SERPINA4: variants seen among roughly 807,000 people sequenced by gnomAD.
The protein encoded by SERPINA4 is serpin family A member 4, also known as kallistatin.
SERPINA4 carries 24 observed loss-of-function variants against 25.4 expected under a neutral mutation model. The ratio of observed to expected loss-of-function variants is 0.95; its 90% CI spans 0.69 to 1.33. SERPINA4 has a LOEUF of 1.33. Among genes scored for constraint, SERPINA4 ranks in the 40% most tolerant of loss-of-function variants. The probability of loss-of-function intolerance (pLI) is 0.00; values close to 1 mark genes in which losing one functional copy is unlikely to be tolerated. For missense variants in SERPINA4, 553 were observed against 535.8 expected, an observed-to-expected ratio of 1.03 and a Z score of -0.32; for synonymous variants, 242 against 223.6, an observed-to-expected ratio of 1.08 and a Z score of -0.73.
intron 3 of SERPINA4, among the ~76,000 whole-genome samples, chr14:94,567,537 G>A (rs370667568): frequency 6.6e-6 from 1 of 152,052 alleles, no homozygotes; most frequent in South Asian, 2.1e-4. Flanking sequence ...CTCTCTGGGG[G>A]GTTACCTCTG....
intron 3 of SERPINA4, among the ~76,000 whole-genome samples, chr14:94,567,914 A>G (rs1258912672): frequency 4.6e-5 from 7 of 152,208 alleles, no homozygotes; most frequent in African/African-American, 1.7e-4. Context: ...AGGGGTTCCC[A>G]AGGACGGGAG....
chr14:94,569,392 C>A lies in SERPINA4; in HGVS notation c.1084-3C>A, dbSNP rs368097483. The A allele has an allele frequency of 1.2e-6, 2 of 1,613,342 alleles. No individual in the cohort carries two copies. The highest frequency in any genetic ancestry group is 1.7e-6 in the Non-Finnish European group (2 of 1,179,974). ...GAGATAATGCTTGTGATTTTCCTCC[C>A]AGAGTTTCCACAAGGCCACCTTGGA... is the stretch of plus-strand genomic sequence containing the variant. On this transcript the variant is annotated splice_region_variant and splice_polypyrimidine_tract_variant and intron_variant, in intron 4 of 4. Transcript: ENST00000557004.
chr14:94,568,592 T>C (rs1011550981), intron 4 of SERPINA4, among the ~76,000 whole-genome samples: 3 of 152,178 alleles, frequency 2.0e-5, no homozygotes, highest in African/African-American at 7.2e-5. Flanking sequence ...TGGTAACTCA[T>C]GCCTGTAATC....
rs1306197771 is a variant in SERPINA4, at chr14:94,563,926, C to T, written c.444C>T (p.Asn148=). The T allele has an allele frequency of 4.3e-6, 7 of 1,614,096 alleles. No individual in the cohort carries two copies. Among genetic ancestry groups the T allele is most frequent in the Middle Eastern group, 1.6e-4 (1 of 6,084 alleles). Residue 148 remains asparagine, a synonymous_variant, in exon 2 of 5, where the codon AAC becomes AAT. Coordinates refer to ENST00000557004, the MANE Select transcript of SERPINA4 (RefSeq NM_006215.4). Reference sequence around the variant, plus strand: ...GCAGTGCTCTGTTCCTGAGCCACAACCTGAAGTTCCTTGCAAAATTCCTGA... The same window carrying T: ...GCAGTGCTCTGTTCCTGAGCCACAATCTGAAGTTCCTTGCAAAATTCCTGA... ...RVGSALFLSH[N]LKFLAKFLND...
Position 94,563,596 on chromosome 14 carries a change from G to A in SERPINA4, c.114G>A (p.Gln38=), listed in dbSNP as rs1902095926. ...GTTGCAGTAACAGCTCCCACCAGCA[G>A]ATTCTGGAGACAGGTGAGGGCTCCC... The part of the protein sequence containing the change: ...GESCSNSSHQ[Q]ILETGEGSPS... Residue 38 remains glutamine, a synonymous_variant, in exon 2 of 5, where the codon CAG becomes CAA. Transcript: ENST00000557004. 5 of 1,613,898 alleles carry A rather than the reference G, an allele frequency of 3.1e-6. No individual in the cohort carries two copies. In the African/African-American group the frequency reaches 6.7e-5, roughly 22 times the overall value.
chr14:94,562,903 G>A (rs1902071492), intron 1 of SERPINA4, among the ~76,000 whole-genome samples: 2 of 152,174 alleles, frequency 1.3e-5, no homozygotes, highest in African/African-American at 4.8e-5. Context: ...CAGTTCTACT[G>A]ACCTCTACAG....
intron 1 of SERPINA4, chr14:94,561,898 G>T: frequency 3.1e-6 from 4 of 1,286,768 alleles, no homozygotes; most frequent in Non-Finnish European, 4.1e-6. Context: ...TCCAACTGCT[G>T]AGTGGAGAAC....
At chr14:94,564,632 C>G (rs1902145795) in intron 2 of SERPINA4, among the ~76,000 whole-genome samples, 1 of 152,206 alleles carries the variant, frequency 6.6e-6, no homozygotes, top group South Asian at 2.1e-4. Flanking sequence ...GGCACACAGC[C>G]AGGCCCATTC....
chr14:94,561,950 T>C, intron 1 of SERPINA4: 1 of 1,196,550 alleles, frequency 8.4e-7, no homozygotes, highest in South Asian at 1.5e-5. Flanking sequence ...AGGGTCTAGG[T>C]CAGGGGTCAA....
In SERPINA4 at chr14:94,569,852, C is replaced by T. The variant is rs1035771065; in HGVS notation, c.*257C>T. The T allele has an allele frequency of 1.3e-5, 7 of 539,872 alleles. No homozygotes were observed. Among genetic ancestry groups the T allele is most frequent in the African/African-American group, 3.8e-5 (2 of 52,668 alleles). The allele number at this position is 539,872 out of a possible 1,614,324, so 33.4% of individuals were successfully genotyped here. ...CAAGTTTCTGCCTCTGGAAAGGGGG[C>T]GGGCCCTTTTCACAACAGGCTGGTT... On this transcript the variant is annotated 3_prime_UTR_variant, in exon 5 of 5. Coordinates refer to ENST00000557004, the MANE Select transcript of SERPINA4 (RefSeq NM_006215.4).
Position 94,564,121 on chromosome 14 carries a change from T to C in SERPINA4, c.639T>C (p.Ile213=). ...TCTTGATGGTGCTGGTGAATTACAT[T>C]TACTTCAAAGGTGAGAGTCAGATCA... ...KDVLMVLVNY[I]YFKALWEKPF... Residue 213 remains isoleucine, a synonymous_variant, in exon 2 of 5, where the codon ATT becomes ATC. Transcript: ENST00000557004. 1 of 1,600,312 alleles carries C rather than the reference T, an allele frequency of 6.2e-7. No individual in the cohort carries two copies. The highest frequency in any genetic ancestry group is 8.5e-7 in the Non-Finnish European group (1 of 1,179,898).
Position 94,561,504 on chromosome 14 carries a change from C to CAA in SERPINA4, c.-18+10_-18+11insAA. 3 of 465,884 alleles carry CAA rather than the reference C, an allele frequency of 6.4e-6. No individual in the cohort carries two copies. The highest frequency in any genetic ancestry group is 7.1e-6 in the Non-Finnish European group (2 of 281,522). The allele number at this position is 465,884 out of a possible 1,614,324, so 28.9% of individuals were successfully genotyped here. ...CAGGACAGACTGTGCCGTGAGTAAC[C>CAA]CCCTGAGACAATGGAGACGAGAGAC... On this transcript the variant is annotated intron_variant, in intron 1 of 4. Transcript: ENST00000557004.
intron 2 of SERPINA4, 152 bp downstream of exon 2, chr14:94,564,283 T>A: frequency 2.7e-6 from 2 of 739,720 alleles, no homozygotes; most frequent in East Asian, 2.6e-5. Flanking sequence ...AATGTGAGAA[T>A]GTTGTATGTT....
chr14:94,562,948 T>C (rs1902072817), intron 1 of SERPINA4, among the ~76,000 whole-genome samples: 1 of 152,118 alleles, frequency 6.6e-6, no homozygotes, highest in South Asian at 2.1e-4. Flanking sequence ...CTGAAAGTGG[T>C]TTGTAAACCA....
Position 94,563,887 on chromosome 14 carries a change from G to A in SERPINA4, c.405G>A (p.Leu135=), listed in dbSNP as rs1902117100. 1 of 1,614,172 alleles carries A rather than the reference G, an allele frequency of 6.2e-7. No individual in the cohort carries two copies. The highest frequency in any genetic ancestry group is 1.1e-5 in the South Asian group (1 of 91,082). Residue 135 remains leucine (L), a synonymous_variant, in exon 2 of 5, where the codon CTG becomes CTA. Transcript: ENST00000557004. ...LHTLNLPGHG[L]ETRVGSALFL... is the part of the protein sequence containing the mutation. ...CTCTCAACCTCCCCGGCCATGGGCT[G>A]GAAACACGCGTGGGCAGTGCTCTGT... is the stretch of plus-strand genomic sequence containing the variant.
At chr14:94,569,365 T>G (rs758814347) in intron 4 of SERPINA4, 30 bp from the exon 5 acceptor site, 40 of 1,606,892 alleles carry the variant, frequency 2.5e-5, no homozygotes, top group Non-Finnish European at 3.3e-5. Context: ...CTTGCTGGCT[T>G]GGAGATAATG....
rs1048258656 is a variant in SERPINA4, at chr14:94,568,059, G to C, written c.924-70G>C. ...AGAGCCAGCTAGAGAGGGCCACCAA[G>C]GAGGGCTCTGCCCAGCAGGGATCCT... On this transcript the variant is annotated intron_variant, in intron 3 of 4. Transcript: ENST00000557004. 45 of 1,532,452 alleles carry C rather than the reference G, an allele frequency of 2.9e-5. No individual in the cohort carries two copies. In the African/African-American group the frequency reaches 5.9e-4, roughly 20 times the overall value. 94.9% of individuals were successfully genotyped at this position (1,532,452 alleles called of 1,614,324 possible). A position where few individuals can be genotyped will look rare whatever the true frequency, so the allele number is the denominator to read the frequency against.
intron 1 of SERPINA4, among the ~76,000 whole-genome samples, chr14:94,562,068 T>C (rs1183339935): frequency 1.3e-5 from 2 of 152,102 alleles, no homozygotes; most frequent in African/African-American, 4.8e-5. Flanking sequence ...GATAAATATA[T>C]AAAGCTATGA....
At position 94,561,494 on chromosome 14, in the gene SERPINA4, C is replaced by T. The variant is rs1902022505; in HGVS notation, c.-18C>T. The T allele has an allele frequency of 4.6e-6, 2 of 430,780 alleles. No individual in the cohort carries two copies. The highest frequency in any genetic ancestry group is 7.2e-5 in the East Asian group (1 of 13,802). 26.7% of individuals were successfully genotyped at this position (430,780 alleles called of 1,614,324 possible). A position where few individuals can be genotyped will look rare whatever the true frequency, so the allele number is the denominator to read the frequency against. On this transcript the variant is annotated splice_region_variant and 5_prime_UTR_variant, in exon 1 of 5. Transcript: ENST00000557004. Reference sequence around the variant, plus strand: ...GGGTCCACTCCAGGACAGACTGTGCCGTGAGTAACCCCCTGAGACAATGGA... The same window carrying T: ...GGGTCCACTCCAGGACAGACTGTGCTGTGAGTAACCCCCTGAGACAATGGA...
Sources: gnomAD v4.1 joint callset for allele counts (sites outside exome capture counted in the v4.1 genomes callset) on GRCh38, gnomAD v4.1.1 for gene constraint, MANE v1.5 for transcripts, NCBI Gene and HGNC (gene_info 2026-07-23, HGNC 2026-07-21) for gene names.